KCNK9: variants seen among roughly 807,000 people sequenced by gnomAD.
KCNK9 encodes the protein potassium two pore domain channel subfamily K member 9, also known as potassium channel subfamily K member 9.
In KCNK9, 1 loss-of-function variant was observed where a neutral mutation model predicts 10.8. The observed-to-expected ratio is 0.09, with a 90% CI of 0.03 to 0.44. KCNK9 has a LOEUF of 0.44. Among genes scored for constraint, KCNK9 ranks in the 20% least tolerant of loss-of-function variants. The probability of loss-of-function intolerance (pLI) is 0.97; values close to 1 mark genes in which losing one functional copy is unlikely to be tolerated. For synonymous variants in KCNK9, 231 were observed against 222.7 expected, an observed-to-expected ratio of 1.04 and a Z score of -0.33; for missense variants, 303 against 515.0, an observed-to-expected ratio of 0.59 and a Z score of 3.98.
intron 1 of KCNK9, among the ~76,000 whole-genome samples, chr8:139,674,518 C>T (rs1223505374): frequency 1.4e-4 from 21 of 152,172 alleles, no homozygotes; most frequent in Non-Finnish European, 3.1e-4. Context: ...GGCAGGGACC[C>T]GGTTCTCCAA....
downstream of KCNK9, among the ~76,000 whole-genome samples, chr8:139,613,790 C>T (rs762565915): frequency 5.3e-5 from 8 of 152,162 alleles, no homozygotes; most frequent in Non-Finnish European, 1.2e-4. Flanking sequence ...AGGGTCTGTG[C>T]TGGCCACGAC....
chr8:139,659,854 A>G (rs565609229), intron 1 of KCNK9, among the ~76,000 whole-genome samples: 2 of 152,214 alleles, frequency 1.3e-5, no homozygotes, highest in African/African-American at 4.8e-5. Flanking sequence ...AGACAGAACA[A>G]TGATCAAGTA....
At chr8:139,605,517 A>G (rs1817466444) in intron 2 of KCNK9, among the ~76,000 whole-genome samples, 1 of 152,358 alleles carries the variant, frequency 6.6e-6, no homozygotes, top group South Asian at 2.1e-4. Context: ...GTATACAGCC[A>G]GGACTGTCCA....
intron 1 of KCNK9, among the ~76,000 whole-genome samples, chr8:139,625,006 G>T (rs1254910045): frequency 6.6e-6 from 1 of 152,154 alleles, no homozygotes; most frequent in Admixed American, 6.5e-5. Flanking sequence ...TGTGAAATGG[G>T]GCAGATGATG....
chr8:139,618,512 G>T lies in KCNK9; in HGVS notation c.871C>A (p.Pro291Thr), dbSNP rs1488297529. ...CAGGAGCACACAGACTGCAGGTCCG[G>T]GACGTCCGCCTTGTACCTGGGCCGG... ...PSRPRYKADV[P>T]DLQSVCSCTC... is the part of the protein sequence containing the mutation. Residue 291 changes from proline (P) to threonine (T), a missense_variant, in exon 2 of 2, where the codon CCG becomes ACG. Pro to Thr is a conservative substitution (Grantham distance 38, BLOSUM62 -1). Transcript: ENST00000520439. The surrounding 1 kb of genome is among the most constrained non-coding windows in gnomAD (Gnocchi z 7.9). 2 of 1,613,516 alleles carry T rather than the reference G, an allele frequency of 1.2e-6. No homozygotes were observed. The highest frequency in any genetic ancestry group is 2.7e-5 in the African/African-American group (2 of 74,932).
At chr8:139,642,007 G>A (rs1028459720) in intron 1 of KCNK9, among the ~76,000 whole-genome samples, 12 of 152,212 alleles carry the variant, frequency 7.9e-5, no homozygotes, top group South Asian at 2.1e-4. Flanking sequence ...GCCATAGCCC[G>A]GTGAGGTAGG....
chr8:139,700,486 A>G (rs1207427463), intron 1 of KCNK9, among the ~76,000 whole-genome samples: 1 of 87,754 alleles, frequency 1.1e-5, no homozygotes, highest in Non-Finnish European at 1.9e-5. Flanking sequence ...ACATACACAT[A>G]CACACACACA....
At chr8:139,606,073 C>T (rs1419518394) in intron 2 of KCNK9, among the ~76,000 whole-genome samples, 1 of 152,078 alleles carries the variant, frequency 6.6e-6, no homozygotes, top group Non-Finnish European at 1.5e-5. Flanking sequence ...TGATTTTTGC[C>T]AAGTCTGATA....
chr8:139,649,423 C>T (rs1392798097), intron 1 of KCNK9, among the ~76,000 whole-genome samples: 3 of 152,054 alleles, frequency 2.0e-5, no homozygotes, highest in African/African-American at 7.3e-5. Flanking sequence ...TTAGCAAAAT[C>T]AGAATCATCG....
At chr8:139,656,035 C>T (rs1405684396) in intron 1 of KCNK9, among the ~76,000 whole-genome samples, 1 of 152,212 alleles carries the variant, frequency 6.6e-6, no homozygotes, top group Non-Finnish European at 1.5e-5. Context: ...CTAATCTACA[C>T]TCAGCCATGA....
Position 139,702,683 on chromosome 8 carries a change from G to A in KCNK9, c.283+27C>T, listed in dbSNP as rs1327618559. Reference sequence around the variant, plus strand: ...TCCCCGGACTCCTCCCGGGGCGCGGGAGCCCAGCGGCGCGCCCAGCCCTTA... The same window carrying A: ...TCCCCGGACTCCTCCCGGGGCGCGGAAGCCCAGCGGCGCGCCCAGCCCTTA... On this transcript the variant is annotated intron_variant, in intron 1 of 1. Coordinates refer to ENST00000520439, the MANE Select transcript of KCNK9 (RefSeq NM_001282534.2). This position sits in a 1 kb window ranked among gnomAD's most constrained non-coding sequence, Gnocchi z 7.5. 1 of 1,589,588 alleles carries A rather than the reference G, an allele frequency of 6.3e-7. No individual in the cohort carries two copies.
chr8:139,694,208 T>A (rs1362434263), intron 1 of KCNK9, among the ~76,000 whole-genome samples: 3 of 151,924 alleles, frequency 2.0e-5, no homozygotes, highest in Non-Finnish European at 4.4e-5. Context: ...GAAAGTGAAT[T>A]TGCCAAGAGT....
chr8:139,622,747 C>T (rs1159345594), intron 1 of KCNK9, among the ~76,000 whole-genome samples: 1 of 152,186 alleles, frequency 6.6e-6, no homozygotes, highest in Non-Finnish European at 1.5e-5. Flanking sequence ...AACAAATGTG[C>T]TTATGATAGA....
intron 1 of KCNK9, among the ~76,000 whole-genome samples, chr8:139,685,688 G>T (rs1030039347): frequency 2.4e-4 from 36 of 152,244 alleles, no homozygotes; most frequent in Non-Finnish European, 5.0e-4. Flanking sequence ...ATTATTGATG[G>T]ACATTTGGGT....
chr8:139,624,300 G>A (rs1814894801), intron 1 of KCNK9, among the ~76,000 whole-genome samples: 1 of 152,182 alleles, frequency 6.6e-6, no homozygotes, highest in Non-Finnish European at 1.5e-5. Flanking sequence ...TGGTGCTGGT[G>A]ACAGACAGCA....
At chr8:139,680,815 G>A (rs188286727) in intron 1 of KCNK9, among the ~76,000 whole-genome samples, 1 of 152,250 alleles carries the variant, frequency 6.6e-6, no homozygotes, top group East Asian at 1.9e-4. Context: ...TTCTGGAACT[G>A]CAGAGCCATG....
intron 1 of KCNK9, among the ~76,000 whole-genome samples, chr8:139,686,371 A>C (rs9693830): frequency 0.51 from 76,935 of 152,016 alleles, 20,464 homozygotes; most frequent in South Asian, 0.59. Flanking sequence ...CCATCTGACA[A>C]AGGGCTAATA....
At chr8:139,662,637 C>T (rs1019075807) in intron 1 of KCNK9, among the ~76,000 whole-genome samples, 1 of 152,108 alleles carries the variant, frequency 6.6e-6, no homozygotes, top group Non-Finnish European at 1.5e-5. Flanking sequence ...TACCCCACCC[C>T]CTGCTCTTCC....
At chr8:139,642,851 C>T (rs1815547543) in intron 1 of KCNK9, among the ~76,000 whole-genome samples, 1 of 152,156 alleles carries the variant, frequency 6.6e-6, no homozygotes. Context: ...ACCTGAGCAG[C>T]AGGGGGTGTT....
Sources: gnomAD v4.1 joint callset for allele counts (sites outside exome capture counted in the v4.1 genomes callset) on GRCh38, gnomAD v4.1.1 for gene constraint, Gnocchi (gnomAD v3.1) non-coding constraint, MANE v1.5 for transcripts, NCBI Gene and HGNC (gene_info 2026-07-23, HGNC 2026-07-21) for gene names.